The following PPP1R36 variants were observed in gnomAD, a reference collection of about 807,000 sequenced individuals.
PPP1R36 encodes the protein protein phosphatase 1 regulatory subunit 36, also known as chromosome 14 open reading frame 50.
PPP1R36 carries 47 observed loss-of-function variants against 53.4 expected under a neutral mutation model. That is an observed-to-expected ratio of 0.88 (90% CI 0.70 to 1.12). The LOEUF (loss-of-function observed/expected upper bound fraction) is 1.12. Ranked by LOEUF, PPP1R36 falls within the 50% of genes most tolerant of loss-of-function variation. PPP1R36 has a pLI of 0.00. For missense variants in PPP1R36, 456 were observed against 513.9 expected, an observed-to-expected ratio of 0.89 and a Z score of 1.09; for synonymous variants, 153 against 170.5, an observed-to-expected ratio of 0.90 and a Z score of 0.80.
At chr14:64,564,481 G>C (rs1156616622) in intron 3 of PPP1R36, among the ~76,000 whole-genome samples, 2 of 152,148 alleles carry the variant, frequency 1.3e-5, no homozygotes, top group Admixed American at 6.5e-5. Flanking sequence ...AGAGCTTTCT[G>C]TTTCTTATGA....
At chr14:64,563,160 C>A (rs111969178) in intron 3 of PPP1R36, among the ~76,000 whole-genome samples, 77 of 152,272 alleles carry the variant, frequency 5.1e-4, no homozygotes, top group African/African-American at 1.9e-3. Context: ...GCCACCGTGC[C>A]CGGCCTCACT....
Position 64,587,188 on chromosome 14 carries a change from T to G in PPP1R36, c.712-6T>G. The G allele has an allele frequency of 6.3e-7, 1 of 1,598,060 alleles. No individual in the cohort carries two copies. The highest frequency in any genetic ancestry group is 8.5e-7 in the Non-Finnish European group (1 of 1,171,032). On this transcript the variant is annotated splice_region_variant and splice_polypyrimidine_tract_variant and intron_variant, in intron 9 of 11. Coordinates refer to ENST00000298705, the MANE Select transcript of PPP1R36 (RefSeq NM_172365.3). The stretch of plus-strand genomic sequence containing the variant: ...GATCGTGATTCTTGTCTATTTTTTG[T>G]TGTAGTCCTTTTATACTTTCTGTAC...
chr14:64,552,625 TA>T, intron 2 of PPP1R36, 188 bp from the exon 3 acceptor site: 1 of 544,000 alleles, frequency 1.8e-6, no homozygotes, highest in Non-Finnish European at 3.3e-6. Context: ...CAGACATACA[TA>T]GTTACACTAG....
chr14:64,552,987 T>C (rs906285016), intron 3 of PPP1R36, 126 bp downstream of exon 3: 4 of 782,922 alleles, frequency 5.1e-6, no homozygotes, highest in Non-Finnish European at 8.3e-6. Context: ...TTTTTTTTTT[T>C]TGAGATAGAG....
chr14:64,552,615 C>G (rs2080104406), intron 2 of PPP1R36, 199 bp from the exon 3 acceptor site: 1 of 508,822 alleles, frequency 2.0e-6, no homozygotes, highest in Admixed American at 3.1e-5. Context: ...GTTGGCTAAG[C>G]AGACATACAT....
At chr14:64,570,369 C>T (rs1198190481) in intron 7 of PPP1R36, among the ~76,000 whole-genome samples, 2 of 152,046 alleles carry the variant, frequency 1.3e-5, no homozygotes, top group African/African-American at 4.8e-5. Context: ...GTAATCCCAG[C>T]TCCTCAGGAG....
intron 11 of PPP1R36, chr14:64,588,546 G>A: frequency 3.0e-6 from 1 of 328,228 alleles, no homozygotes; most frequent in Non-Finnish European, 5.4e-6. Context: ...TTGGAGGAGT[G>A]AGTAACTGAT....
At position 64,574,448 on chromosome 14, in the gene PPP1R36, C is replaced by G. The variant is rs1405633931; in HGVS notation, c.534-7C>G. Reference sequence around the variant, plus strand: ...CCAAATTCTCTTTTTTTTGTCCTCCCCATCAGAGGCCTTGTAGAGAAAAAA... The same window carrying G: ...CCAAATTCTCTTTTTTTTGTCCTCCGCATCAGAGGCCTTGTAGAGAAAAAA... On this transcript the variant is annotated splice_polypyrimidine_tract_variant and splice_region_variant and intron_variant, in intron 7 of 11. Transcript: ENST00000298705. 1 of 1,598,376 alleles carries G rather than the reference C, an allele frequency of 6.3e-7. No individual in the cohort carries two copies. The highest frequency in any genetic ancestry group is 1.4e-5 in the African/African-American group (1 of 73,682).
In PPP1R36 at chr14:64,556,177, C is replaced by CT. The variant is rs1251610215; in HGVS notation, c.182+3317dup. Among the ~76,000 whole-genome samples, 3 of 140,032 alleles carry CT rather than the reference C, an allele frequency of 2.1e-5. No homozygotes were observed. In the East Asian group the frequency reaches 6.4e-4, roughly 30 times the overall value. 91.9% of individuals were successfully genotyped at this position (140,032 alleles called of 152,430 possible). ...CAGCGTTTCACTCCCATTGCCCAGG[C>CT]TCACTGCAGCCTCTGCCTCCCAGGC... On this transcript the variant is annotated intron_variant, in intron 3 of 11. Coordinates refer to ENST00000298705, the MANE Select transcript of PPP1R36 (RefSeq NM_172365.3).
intron 6 of PPP1R36, among the ~76,000 whole-genome samples, chr14:64,567,486 C>A (rs774470201): frequency 1.3e-5 from 2 of 152,218 alleles, no homozygotes; most frequent in East Asian, 3.9e-4. Flanking sequence ...GTCTATGCTA[C>A]GCAGAAAAGT....
At chr14:64,576,996 A>G (rs2080346635) in intron 8 of PPP1R36, among the ~76,000 whole-genome samples, 2 of 152,206 alleles carry the variant, frequency 1.3e-5, no homozygotes, top group South Asian at 4.1e-4. Flanking sequence ...TTGCTATAGC[A>G]AAGTACCATA....
chr14:64,552,975 A>AAT, intron 3 of PPP1R36, 114 bp downstream of exon 3: 1 of 703,640 alleles, frequency 1.4e-6, no homozygotes, highest in Admixed American at 2.9e-5. Flanking sequence ...TTAAGTGCCA[A>AAT]TTTTTTTTTT....
chr14:64,583,059 A>G (rs2080401324), intron 8 of PPP1R36, among the ~76,000 whole-genome samples: 1 of 132,448 alleles, frequency 7.6e-6, no homozygotes, highest in Non-Finnish European at 1.7e-5. Context: ...TCCCAGCTAT[A>G]TATATATATA....
intron 7 of PPP1R36, among the ~76,000 whole-genome samples, chr14:64,573,317 T>C (rs1161657338): frequency 6.6e-6 from 1 of 152,208 alleles, no homozygotes; most frequent in Non-Finnish European, 1.5e-5. Flanking sequence ...AGCAGTGTTA[T>C]TGTAACTGAT....
intron 3 of PPP1R36, among the ~76,000 whole-genome samples, chr14:64,556,196 C>T (rs1209756006): frequency 6.8e-6 from 1 of 146,514 alleles, no homozygotes; most frequent in African/African-American, 2.5e-5. Context: ...GCCTCTGCCT[C>T]CCAGGCTCAA....
chr14:64,553,104 C>T (rs2080109885), intron 3 of PPP1R36, among the ~76,000 whole-genome samples: 1 of 152,014 alleles, frequency 6.6e-6, no homozygotes. Context: ...AGTACTCACA[C>T]CACCATGCCC....
chr14:64,584,083 G>A (rs1439067436), intron 8 of PPP1R36, among the ~76,000 whole-genome samples: 1 of 151,824 alleles, frequency 6.6e-6, no homozygotes, highest in Non-Finnish European at 1.5e-5. Flanking sequence ...TGTATTTTTA[G>A]TAGAGATGGT....
chr14:64,583,834 G>T (rs1469038928), intron 8 of PPP1R36, among the ~76,000 whole-genome samples: 1 of 136,306 alleles, frequency 7.3e-6, no homozygotes, highest in South Asian at 2.4e-4. Flanking sequence ...AAAAAAAAAA[G>T]AGAGAAAGAG....
At chr14:64,585,031 T>G (rs978960118) in intron 8 of PPP1R36, among the ~76,000 whole-genome samples, 2 of 152,302 alleles carry the variant, frequency 1.3e-5, no homozygotes, top group Admixed American at 1.3e-4. Context: ...AGTAACCACC[T>G]CTTTGGCCTC....
Sources: gnomAD v4.1 joint callset for allele counts (sites outside exome capture counted in the v4.1 genomes callset) on GRCh38, gnomAD v4.1.1 for gene constraint, MANE v1.5 for transcripts, NCBI Gene and HGNC (gene_info 2026-07-23, HGNC 2026-07-21) for gene names.